SASH1: variants seen among roughly 807,000 people sequenced by gnomAD.
SASH1 encodes SAM and SH3 domain containing 1, also known as SAM and SH3 domain-containing protein 1.
SASH1 carries 44 observed loss-of-function variants against 125.2 expected under a neutral mutation model. The observed-to-expected ratio is 0.35, with a 90% CI of 0.28 to 0.45. SASH1 has a LOEUF of 0.45. Among genes scored for constraint, SASH1 ranks in the 20% least tolerant of loss-of-function variants. The probability of loss-of-function intolerance (pLI) is 1.00; values close to 1 mark genes in which losing one functional copy is unlikely to be tolerated. For synonymous variants in SASH1, 639 were observed against 649.1 expected, an observed-to-expected ratio of 0.98 and a Z score of 0.24; for missense variants, 1,426 against 1,614.5, an observed-to-expected ratio of 0.88 and a Z score of 2.00.
intron 1 of SASH1, among the ~76,000 whole-genome samples, chr6:148,291,960 A>G (rs1361068766): frequency 1.3e-5 from 2 of 152,194 alleles, no homozygotes; most frequent in Admixed American, 6.5e-5. Context: ...ACTAGTACTT[A>G]AAAGAATTTG....
At chr6:148,267,496 A>T (rs574177515), upstream of SASH1, among the ~76,000 whole-genome samples, 31 of 152,020 alleles carry the variant, frequency 2.0e-4, no homozygotes, top group African/African-American at 7.5e-4. Context: ...CTCCTGCCTC[A>T]GCCTCCCGAG....
At chr6:148,424,702 C>A (rs1775734894) in intron 2 of SASH1, among the ~76,000 whole-genome samples, 1 of 152,174 alleles carries the variant, frequency 6.6e-6, no homozygotes, top group South Asian at 2.1e-4. Context: ...TAGTCTTGAT[C>A]ATCCCTTTTA....
chr6:148,492,955 C>T (rs1342477566), intron 8 of SASH1, among the ~76,000 whole-genome samples: 1 of 152,178 alleles, frequency 6.6e-6, no homozygotes, highest in Non-Finnish European at 1.5e-5. Flanking sequence ...ACTATTTCTT[C>T]ATAGATGGCC....
Position 148,533,680 on chromosome 6 carries a change from A to C in SASH1, c.1735-91A>C. On this transcript the variant is annotated intron_variant, in intron 14 of 19. Transcript: ENST00000367467. The surrounding 1 kb of genome is among the most constrained non-coding windows in gnomAD (Gnocchi z 6.2). The stretch of plus-strand genomic sequence containing the variant: ...CGATTCTGGCCTTTGTGGCATCTTC[A>C]CTTCTGCATGACCTGTGTATCTGAC... 3 of 1,237,310 alleles carry C rather than the reference A, an allele frequency of 2.4e-6. No individual in the cohort carries two copies. The highest frequency in any genetic ancestry group is 3.4e-6 in the Non-Finnish European group (3 of 871,620). 76.6% of individuals were successfully genotyped at this position (1,237,310 alleles called of 1,614,324 possible).
intron 17 of SASH1, among the ~76,000 whole-genome samples, chr6:148,542,358 A>G (rs1295479906): frequency 6.6e-6 from 1 of 151,692 alleles, no homozygotes; most frequent in African/African-American, 2.4e-5. Flanking sequence ...TTTTTTCTGA[A>G]GAGGTATTTC....
intron 2 of SASH1, among the ~76,000 whole-genome samples, chr6:148,392,420 AAGTAGGAAC>A (rs1245934688): frequency 6.6e-6 from 1 of 152,178 alleles, no homozygotes; most frequent in Non-Finnish European, 1.5e-5. Flanking sequence ...ATTTAGAACT[AAGTAGGAAC>A]AGATAATTCT....
chr6:148,530,580 T>C (rs1781454660), intron 12 of SASH1, among the ~76,000 whole-genome samples: 1 of 152,204 alleles, frequency 6.6e-6, no homozygotes, highest in Non-Finnish European at 1.5e-5. Context: ...TGCGGAGCTG[T>C]GTTAAGGCCC....
At chr6:148,304,974 T>C (rs1157167694) in intron 1 of SASH1, among the ~76,000 whole-genome samples, 2 of 152,150 alleles carry the variant, frequency 1.3e-5, no homozygotes, top group Non-Finnish European at 2.9e-5. Context: ...GAGGTTGCAG[T>C]GAGCCAAGAT....
chr6:148,413,096 G>C (rs1218758649), intron 2 of SASH1, among the ~76,000 whole-genome samples: 1 of 152,146 alleles, frequency 6.6e-6, no homozygotes, highest in African/African-American at 2.4e-5. Context: ...GGATGCTCAA[G>C]GGAACTTAGA....
intron 4 of SASH1, among the ~76,000 whole-genome samples, chr6:148,443,443 A>G (rs1192537603): frequency 6.8e-6 from 1 of 147,430 alleles, no homozygotes; most frequent in African/African-American, 2.5e-5. Flanking sequence ...GAATATATAT[A>G]TAATATATAT....
chr6:148,478,309 TGTGGTACATATACACG>T (rs542769682), intron 7 of SASH1, among the ~76,000 whole-genome samples: 18 of 152,124 alleles, frequency 1.2e-4, no homozygotes, highest in Non-Finnish European at 1.9e-4. Flanking sequence ...ATAAAGAAAA[TGTGGTACATATACACG>T]GTGGAACACT....
intron 1 of SASH1, among the ~76,000 whole-genome samples, chr6:148,304,029 G>T (rs528177186): frequency 2.6e-5 from 4 of 152,234 alleles, no homozygotes; most frequent in South Asian, 4.1e-4. Flanking sequence ...CGGGGGCCGG[G>T]TGCGATGGCT....
chr6:148,389,220 G>A (rs746622811), intron 1 of SASH1, among the ~76,000 whole-genome samples: 3 of 152,152 alleles, frequency 2.0e-5, no homozygotes, highest in Non-Finnish European at 4.4e-5. Context: ...CGCTTCACAC[G>A]TGTTACTCCA....
chr6:148,393,810 G>A, intron 2 of SASH1: 2 of 739,906 alleles, frequency 2.7e-6, no homozygotes, highest in Non-Finnish European at 3.3e-6. Flanking sequence ...AAGCCAGGCT[G>A]GAAGCATGAC....
Position 148,548,475 on chromosome 6 carries a change from G to T in SASH1, c.3661G>T (p.Gly1221Cys). 6.2e-7 allele frequency: 1 copy of T among 1,614,180 alleles called. No individual in the cohort carries two copies. Among genetic ancestry groups the T allele is most frequent in the Non-Finnish European group, 8.5e-7 (1 of 1,180,036 alleles). The change falls in exon 20 of 20, where the codon GGC (glycine) becomes TGC (cysteine). Residue 1221 changes from glycine to cysteine, a missense_variant. Coordinates refer to ENST00000367467, the MANE Select transcript of SASH1 (RefSeq NM_015278.5). ...GTCTCACACTTGCCTTCAGGAGGCC[G>T]GCATCACAGAGGAGAGACACATAAG... ...SLSHTCLQEA[G>C]ITEERHIRKL... is the part of the protein sequence containing the mutation.
intron 1 of SASH1, among the ~76,000 whole-genome samples, chr6:148,296,906 A>G (rs372094232): frequency 1.3e-5 from 2 of 152,354 alleles, no homozygotes; most frequent in South Asian, 4.1e-4. Context: ...AAATATTGAA[A>G]GCACACATTT....
chr6:148,360,046 C>T (rs570784972), intron 1 of SASH1, among the ~76,000 whole-genome samples: 40 of 128,368 alleles, frequency 3.1e-4, no homozygotes, highest in African/African-American at 8.7e-4. Flanking sequence ...CGTGAGCCAC[C>T]GCACCCAGCT....
the SASH1 span, among the ~76,000 whole-genome samples, chr6:148,256,575 A>C: frequency 6.6e-6 from 1 of 152,192 alleles, no homozygotes; most frequent in African/African-American, 2.4e-5. Flanking sequence ...CATGTTAAAA[A>C]TTGGTTTGTG....
intron 1 of SASH1, among the ~76,000 whole-genome samples, chr6:148,348,490 C>T (rs1189297963): frequency 2.6e-5 from 4 of 152,182 alleles, no homozygotes; most frequent in Non-Finnish European, 4.4e-5. Context: ...CCTTTGCATG[C>T]AGCTCTATGG....
Sources: allele counts gnomAD v4.1 joint callset (sites outside exome capture counted in the v4.1 genomes callset), GRCh38; gene constraint gnomAD v4.1.1; non-coding constraint Gnocchi (gnomAD v3.1); transcripts MANE v1.5; gene names NCBI Gene and HGNC (gene_info 2026-07-23, HGNC 2026-07-21).